The following NEO1 variants were observed in gnomAD, a reference collection of about 807,000 sequenced individuals.
NEO1 encodes the protein neogenin 1.
A neutral mutation model predicts 159.7 loss-of-function variants in NEO1; 63 were observed. The observed-to-expected ratio is 0.39, with a 90% CI of 0.32 to 0.49. The LOEUF is 0.49. Among genes scored for constraint, NEO1 ranks in the 20% least tolerant of loss-of-function variants. NEO1 has a pLI of 0.85. For missense variants in NEO1, 1,615 were observed against 1,831.0 expected (o/e 0.88, Z 2.15); for synonymous variants, 633 against 662.0 (o/e 0.96, Z 0.67).
In NEO1 at chr15:73,288,492, T is replaced by C. The variant is rs754006793; in HGVS notation, c.3590T>C (p.Ile1197Thr). Residue 1197 changes from isoleucine to threonine, a missense_variant, in exon 24 of 29, where the codon ATC becomes ACC. By Grantham distance (89) the Ile-to-Thr change is moderately conservative. Coordinates refer to ENST00000261908, the MANE Select transcript of NEO1 (RefSeq NM_002499.4). Reference protein sequence around the residue: ...DTPIPRNSQDITPVDNSMDSN... With the variant: ...DTPIPRNSQDTTPVDNSMDSN... ...CCAATTCCTCGCAACTCTCAAGATA[T>C]CACACCAGTTGACAACTCCATGGAC... 1.1e-5 allele frequency: 17 copies of C among 1,614,152 alleles called. No individual in the cohort carries two copies. Among genetic ancestry groups the C allele is most frequent in the South Asian group, 5.5e-5 (5 of 91,086 alleles).
rs2042475758 is a variant in NEO1 at position 73,298,690 on chromosome 15, C to G, written c.4165+79C>G. The G allele has an allele frequency of 2.6e-6, 4 of 1,562,234 alleles. No homozygotes were observed. The East Asian group carries it at 9.0e-5, about 35-fold the overall frequency. On this transcript the variant is annotated intron_variant, in intron 27 of 28. Coordinates refer to ENST00000261908, the MANE Select transcript of NEO1 (RefSeq NM_002499.4). ...GCTCAAGCTTGGGACAAAGCCACCCCTTCTTTGAAGTATAGCAAAGCAAAT... is the reference window on the plus strand; with the variant it reads ...GCTCAAGCTTGGGACAAAGCCACCCGTTCTTTGAAGTATAGCAAAGCAAAT...
At chr15:73,123,436 C>T (rs1229021217) in intron 3 of NEO1, among the ~76,000 whole-genome samples, 1 of 152,088 alleles carries the variant, frequency 6.6e-6, no homozygotes, top group East Asian at 1.9e-4. Context: ...AAATCAGAGA[C>T]CCATCCAGGC....
intron 12 of NEO1, among the ~76,000 whole-genome samples, 181 bp from the exon 13 acceptor site, chr15:73,254,501 T>C (rs764040906): frequency 9.2e-5 from 14 of 152,194 alleles, no homozygotes; most frequent in Admixed American, 2.0e-4. Flanking sequence ...CATTTGATCA[T>C]TGAGGGTTTT....
At chr15:73,277,865 C>T (rs1158479020) in intron 21 of NEO1, among the ~76,000 whole-genome samples, 2 of 152,108 alleles carry the variant, frequency 1.3e-5, no homozygotes, top group Non-Finnish European at 2.9e-5. Flanking sequence ...ACCTACTGTC[C>T]CAGCTTCTAA....
intron 7 of NEO1, among the ~76,000 whole-genome samples, chr15:73,227,208 G>A (rs1311038602): frequency 1.3e-5 from 2 of 152,084 alleles, no homozygotes; most frequent in African/African-American, 2.4e-5. Flanking sequence ...ATATAAAGCC[G>A]GGTCAGGCCG....
intron 1 of NEO1, among the ~76,000 whole-genome samples, chr15:73,084,462 C>G (rs982607314): frequency 3.3e-5 from 5 of 152,126 alleles, no homozygotes; most frequent in African/African-American, 1.2e-4. Context: ...TCTTTATTGT[C>G]ACAAATGGGA....
At chr15:73,110,917 C>A (rs1052681310) in intron 1 of NEO1, among the ~76,000 whole-genome samples, 1 of 151,962 alleles carries the variant, frequency 6.6e-6, no homozygotes, top group Non-Finnish European at 1.5e-5. Context: ...GATGATAGAT[C>A]TTTTAGAAAA....
intron 7 of NEO1, among the ~76,000 whole-genome samples, chr15:73,183,109 A>G (rs1177636077): frequency 6.6e-6 from 1 of 152,150 alleles, no homozygotes; most frequent in Non-Finnish European, 1.5e-5. Context: ...GGGGCTCCAC[A>G]GAGTACTCCC....
intron 11 of NEO1, among the ~76,000 whole-genome samples, chr15:73,250,540 A>T (rs925081886): frequency 2.0e-5 from 3 of 152,216 alleles, no homozygotes; most frequent in Non-Finnish European, 4.4e-5. Flanking sequence ...TATGTGATAC[A>T]TGGAGGAAGA....
intron 1 of NEO1, among the ~76,000 whole-genome samples, chr15:73,101,948 C>T (rs572824664): frequency 6.6e-6 from 1 of 152,140 alleles, no homozygotes; most frequent in Non-Finnish European, 1.5e-5. Context: ...TACAGCCAAA[C>T]TTTTTGAAAG....
intron 7 of NEO1, among the ~76,000 whole-genome samples, chr15:73,197,393 T>C (rs1567453197): frequency 6.6e-6 from 1 of 152,050 alleles, no homozygotes; most frequent in Non-Finnish European, 1.5e-5. Context: ...GAAAGTATGA[T>C]TGGAGATTTG....
intron 5 of NEO1, among the ~76,000 whole-genome samples, chr15:73,175,048 G>C (rs2035204524): frequency 6.6e-6 from 1 of 152,028 alleles, no homozygotes; most frequent in Non-Finnish European, 1.5e-5. Flanking sequence ...AGCTAGTTTA[G>C]ATTTCTCTTC....
chr15:73,203,889 G>T, intron 7 of NEO1, among the ~76,000 whole-genome samples: 1 of 151,836 alleles, frequency 6.6e-6, no homozygotes, highest in East Asian at 1.9e-4. Flanking sequence ...AAAAATAAAA[G>T]ATTTTATTTT....
chr15:73,167,808 C>T (rs935056025), intron 5 of NEO1, among the ~76,000 whole-genome samples: 6 of 151,992 alleles, frequency 3.9e-5, no homozygotes, highest in African/African-American at 1.4e-4. Flanking sequence ...AGCTTTAGAC[C>T]GTAAGACCCA....
Position 73,270,100 on chromosome 15 carries a change from C to T in NEO1, c.2585C>T (p.Ala862Val), listed in dbSNP as rs2151031902. 2 of 1,614,204 alleles carry T rather than the reference C, an allele frequency of 1.2e-6. No individual in the cohort carries two copies. Among genetic ancestry groups the T allele is most frequent in the East Asian group, 2.2e-5 (1 of 44,876 alleles). The change falls in exon 17 of 29, where the codon GCT (alanine) becomes GTT (valine). Residue 862 changes from alanine (A) to valine (V), a missense_variant. Ala to Val is a moderately conservative substitution (Grantham distance 64, BLOSUM62 0). This residue lies in a region of NEO1 where 1,018 missense variants were observed against 1,115.4 expected (regional missense o/e 0.91). Coordinates refer to ENST00000261908, the MANE Select transcript of NEO1 (RefSeq NM_002499.4). The part of the protein sequence containing the change: ...TPMMPPVGVQ[A>V]SILSHDTIRI... ...ATGATGCCACCAGTGGGAGTTCAGG[C>T]TTCCATTCTGAGTCATGACACCATC...
At position 73,190,055 on chromosome 15, in the gene NEO1, A is replaced by G. The variant is rs538685424; in HGVS notation, c.1291+11628A>G. Among the ~76,000 whole-genome samples the G allele has an allele frequency of 2.6e-4, 39 of 152,272 alleles. 1 individual carries two copies. In the South Asian group the frequency reaches 7.9e-3, roughly 31 times the overall value. ...TTAACATTGCCTGTCATTTTATGCT[A>G]AAATCCTTTGTTTTTTATAATTATC... On this transcript the variant is annotated intron_variant, in intron 7 of 28. Transcript: ENST00000261908.
At chr15:73,243,503 C>G (rs2039595955) in intron 8 of NEO1, among the ~76,000 whole-genome samples, 1 of 152,184 alleles carries the variant, frequency 6.6e-6, no homozygotes. Context: ...AAAACAAATT[C>G]CTTCACAATA....
At chr15:73,148,629 A>T (rs2033118309) in intron 5 of NEO1, among the ~76,000 whole-genome samples, 1 of 152,210 alleles carries the variant, frequency 6.6e-6, no homozygotes, top group African/African-American at 2.4e-5. Flanking sequence ...TCAGGTCCCC[A>T]CAGGAGCATT....
chr15:73,126,345 T>C (rs2151683522), intron 3 of NEO1, 72 bp from the exon 4 acceptor site: 1 of 1,383,620 alleles, frequency 7.2e-7, no homozygotes, highest in Non-Finnish European at 9.8e-7. Context: ...ATCGGGATTA[T>C]GGGTGTGAGC....
Sources: gnomAD v4.1 joint callset for allele counts (sites outside exome capture counted in the v4.1 genomes callset) on GRCh38, gnomAD v4.1.1 for gene constraint, gnomAD v4.1.1 regional missense constraint, MANE v1.5 for transcripts, NCBI Gene and HGNC (gene_info 2026-07-23, HGNC 2026-07-21) for gene names.